Variants in WIPF1 observed in about 807,000 individuals in gnomAD.
The protein encoded by WIPF1 is WAS/WASL interacting protein family member 1.
WIPF1 carries 13 observed loss-of-function variants against 35.4 expected under a neutral mutation model. That is an observed-to-expected ratio of 0.37 (90% CI 0.24 to 0.58). The LOEUF is 0.58. Ranked by LOEUF, WIPF1 falls within the 20% of genes least tolerant of loss-of-function variation. The probability of loss-of-function intolerance (pLI) is 0.74; values close to 1 mark genes in which losing one functional copy is unlikely to be tolerated. For synonymous variants in WIPF1, 267 were observed against 266.3 expected (o/e 1.00, Z -0.02); for missense variants, 591 against 667.0 (o/e 0.89, Z 1.25).
At chr2:174,672,518 A>G (rs774750590) in intron 1 of WIPF1, among the ~76,000 whole-genome samples, 1 of 152,284 alleles carries the variant, frequency 6.6e-6, no homozygotes, top group Non-Finnish European at 1.5e-5. Context: ...TATATTATAC[A>G]TACACTATTT....
At chr2:174,583,581 G>A (rs1038227780) in intron 2 of WIPF1, among the ~76,000 whole-genome samples, 2 of 152,112 alleles carry the variant, frequency 1.3e-5, no homozygotes, top group African/African-American at 4.8e-5. Flanking sequence ...TTTGAATTAG[G>A]TAACAACGGA....
chr2:174,656,148 C>G (rs1447722911), intron 1 of WIPF1: 1 of 152,428 alleles, frequency 6.6e-6, no homozygotes, highest in Admixed American at 6.5e-5. Context: ...GAGAGAAGCC[C>G]AGCCATCCCT....
intron 3 of WIPF1, 132 bp from the exon 4 acceptor site, chr2:174,575,512 C>T: frequency 6.9e-7 from 1 of 1,443,114 alleles, no homozygotes; most frequent in South Asian, 1.5e-5. Context: ...CATTAAAATG[C>T]AGGATTTTAA....
chr2:174,567,740 T>G (rs1684706192), intron 6 of WIPF1, 121 bp downstream of exon 6: 1 of 1,112,308 alleles, frequency 9.0e-7, no homozygotes, highest in Non-Finnish European at 1.3e-6. Flanking sequence ...GTTAGATCAG[T>G]GCAATGGAGT....
intron 1 of WIPF1, among the ~76,000 whole-genome samples, chr2:174,630,178 A>G (rs950022708): frequency 2.0e-5 from 3 of 152,232 alleles, no homozygotes; most frequent in Non-Finnish European, 2.9e-5. Flanking sequence ...AAGCCACTCT[A>G]GGTTACAAAA....
At chr2:174,572,547 G>C (rs1684908099) in intron 4 of WIPF1, 101 bp from the exon 5 acceptor site, 4 of 1,457,364 alleles carry the variant, frequency 2.7e-6, no homozygotes, top group Non-Finnish European at 3.7e-6. Context: ...CTTCCTCAGA[G>C]GGCTATAAAA....
intron 1 of WIPF1, 141 bp from the exon 2 acceptor site, chr2:174,585,752 T>A (rs1342633266): frequency 1.4e-5 from 9 of 659,930 alleles, no homozygotes; most frequent in Non-Finnish European, 2.4e-5. Context: ...ACCTCACTGC[T>A]AAAACATTAC....
chr2:174,680,512 A>G (rs1688224443), intron 1 of WIPF1, among the ~76,000 whole-genome samples: 1 of 152,230 alleles, frequency 6.6e-6, no homozygotes, highest in Non-Finnish European at 1.5e-5. Context: ...CAGATGCTTA[A>G]AAGTGAAGGG....
chr2:174,639,322 C>A (rs1417053128), intron 1 of WIPF1, among the ~76,000 whole-genome samples: 1 of 152,170 alleles, frequency 6.6e-6, no homozygotes, highest in African/African-American at 2.4e-5. Context: ...GTGGCATGAT[C>A]ATAGCTCACT....
intron 1 of WIPF1, among the ~76,000 whole-genome samples, chr2:174,647,518 C>T (rs973038475): frequency 1.3e-5 from 2 of 151,952 alleles, no homozygotes; most frequent in South Asian, 2.1e-4. Context: ...GGATTACAGG[C>T]GCGTGCCACT....
At chr2:174,676,152 G>T (rs1688126305) in intron 1 of WIPF1, among the ~76,000 whole-genome samples, 1 of 150,730 alleles carries the variant, frequency 6.6e-6, no homozygotes, top group South Asian at 2.1e-4. Flanking sequence ...GTAGAGACTG[G>T]GTCCCACTAT....
At position 174,567,944 on chromosome 2, in the gene WIPF1, G is replaced by A; in HGVS notation, c.1259C>T (p.Pro420Leu). The part of the protein sequence containing the change: ...PRSGPRPPLP[P>L]DRPSAGAPPP... ...AGGTGCCCCAGCACTGGGCCTATCA[G>A]GAGGAAGGGGAGGCCTGGGTCCACT... The change falls in exon 6 of 8, where the codon CCT becomes CTT. Residue 420 changes from proline to leucine, a missense_variant. Around this residue, in one of 3 missense-constraint regions of WIPF1, gnomAD observed 117 missense variants for 149.6 expected, o/e 0.78. Transcript: ENST00000679041. 6.2e-7 allele frequency: 1 copy of A among 1,614,140 alleles called. No homozygotes were observed. The highest frequency in any genetic ancestry group is 8.5e-7 in the Non-Finnish European group (1 of 1,180,018).
At chr2:174,579,051 C>T (rs1421568733) in intron 3 of WIPF1, among the ~76,000 whole-genome samples, 1 of 152,142 alleles carries the variant, frequency 6.6e-6, no homozygotes, top group Non-Finnish European at 1.5e-5. Context: ...GAGTTTCACG[C>T]TTGTTGCCCA....
At chr2:174,586,690 C>T (rs1003675168) in intron 1 of WIPF1, among the ~76,000 whole-genome samples, 2 of 152,204 alleles carry the variant, frequency 1.3e-5, no homozygotes, top group African/African-American at 4.8e-5. Context: ...CAACGCCTCA[C>T]CCACTGTTCT....
At chr2:174,644,885 T>C (rs570132821) in intron 1 of WIPF1, among the ~76,000 whole-genome samples, 8 of 152,356 alleles carry the variant, frequency 5.3e-5, no homozygotes, top group Non-Finnish European at 7.3e-5. Flanking sequence ...GAAGTACTTT[T>C]CAATTTTTAA....
chr2:174,678,804 C>G (rs891403259), intron 1 of WIPF1, among the ~76,000 whole-genome samples: 8 of 152,270 alleles, frequency 5.3e-5, no homozygotes, highest in African/African-American at 1.9e-4. Context: ...ATACTGCGGG[C>G]TGGCAGCCCC....
At chr2:174,643,857 T>C (rs953370336) in intron 1 of WIPF1, among the ~76,000 whole-genome samples, 36 of 152,356 alleles carry the variant, frequency 2.4e-4, no homozygotes, top group African/African-American at 8.2e-4. Context: ...ATCCTACATT[T>C]TTAAATATTA....
chr2:174,677,375 T>C (rs923842862), intron 1 of WIPF1, among the ~76,000 whole-genome samples: 1 of 152,078 alleles, frequency 6.6e-6, no homozygotes, highest in African/African-American at 2.4e-5. Flanking sequence ...TTTGAGAAAA[T>C]ACAAAAGGAT....
At chr2:174,574,894 C>T in intron 4 of WIPF1, 1 of 717,316 alleles carries the variant, frequency 1.4e-6, no homozygotes, top group East Asian at 2.7e-5. Context: ...ATTTCCAGGG[C>T]CAGCAAGTTC....
Sources: allele counts gnomAD v4.1 joint callset (sites outside exome capture counted in the v4.1 genomes callset), GRCh38; gene constraint gnomAD v4.1.1; regional missense constraint gnomAD v4.1.1; transcripts MANE v1.5; gene names NCBI Gene and HGNC (gene_info 2026-07-23, HGNC 2026-07-21).